Variants in LPXN observed in about 807,000 individuals in gnomAD.
LPXN encodes the protein leupaxin.
LPXN carries 28 observed loss-of-function variants against 45.6 expected under a neutral mutation model. That is an observed-to-expected ratio of 0.61 (90% CI 0.45 to 0.84). The LOEUF is 0.84. Among genes scored for constraint, LPXN ranks in the 40% least tolerant of loss-of-function variants. The probability of loss-of-function intolerance (pLI) is 0.00; values close to 1 mark genes in which losing one functional copy is unlikely to be tolerated. For missense variants in LPXN, 459 were observed against 475.0 expected (o/e 0.97, Z 0.31); for synonymous variants, 166 against 169.9 (o/e 0.98, Z 0.18).
chr11:58,527,852 G>C, intron 8 of LPXN, 129 bp from the exon 9 acceptor site: 3 of 1,125,670 alleles, frequency 2.7e-6, no homozygotes, highest in Non-Finnish European at 3.8e-6. Context: ...TCAGGTTCTT[G>C]ACAAATGGAG....
chr11:58,534,353 A>T (rs1853485141), intron 7 of LPXN, among the ~76,000 whole-genome samples: 1 of 152,184 alleles, frequency 6.6e-6, no homozygotes, highest in African/African-American at 2.4e-5. Flanking sequence ...TCAAATTAGA[A>T]CTCAGGAGTA....
At chr11:58,570,165 T>C (rs1223379946) in intron 2 of LPXN, among the ~76,000 whole-genome samples, 4 of 151,994 alleles carry the variant, frequency 2.6e-5, no homozygotes, top group Non-Finnish European at 4.4e-5. Flanking sequence ...TAGCTGGGCA[T>C]GGTGGTGCGT....
Position 58,528,201 on chromosome 11 carries a change from T to G in LPXN, c.743-10A>C, listed in dbSNP as rs368847313. On this transcript the variant is annotated splice_polypyrimidine_tract_variant and intron_variant, in intron 7 of 8. Transcript: ENST00000395074. ...TCCTTCTCATGAAAGCCTGGAGAGA[T>G]AAAATCAGGAATTCACTGTTGCAGG... 3.6e-5 allele frequency: 58 copies of G among 1,611,856 alleles called. No homozygotes were observed. Among genetic ancestry groups the G allele is most frequent in the South Asian group, 4.4e-5 (4 of 90,958 alleles).
At chr11:58,576,975 T>C (rs1854910515), upstream of LPXN, among the ~76,000 whole-genome samples, 1 of 152,230 alleles carries the variant, frequency 6.6e-6, no homozygotes, top group Middle Eastern at 3.4e-3. Flanking sequence ...ATTTTTTATG[T>C]AGAGGGTGGT....
At chr11:58,575,075 T>C (rs1411792825) in intron 1 of LPXN, among the ~76,000 whole-genome samples, 1 of 152,218 alleles carries the variant, frequency 6.6e-6, no homozygotes, top group Non-Finnish European at 1.5e-5. Flanking sequence ...CTCCAAAGGT[T>C]TGAAATCCAG....
intron 7 of LPXN, among the ~76,000 whole-genome samples, chr11:58,532,058 G>A (rs544964108): frequency 1.6e-4 from 24 of 152,346 alleles, no homozygotes; most frequent in Admixed American, 7.2e-4. Context: ...GGCCAGCACC[G>A]CCAGCCCCAG....
intron 1 of LPXN, among the ~76,000 whole-genome samples, chr11:58,572,582 T>A (rs2134359708): frequency 6.6e-6 from 1 of 152,264 alleles, no homozygotes; most frequent in East Asian, 1.9e-4. Context: ...GTAAGTACTG[T>A]TTATTTTAGG....
At chr11:58,564,067 T>C (rs1854456876) in intron 3 of LPXN, 88 bp downstream of exon 3, 1 of 828,412 alleles carries the variant, frequency 1.2e-6, no homozygotes, top group Admixed American at 2.3e-5. Flanking sequence ...AATAAACACT[T>C]GCAAAGCAAA....
intron 7 of LPXN, among the ~76,000 whole-genome samples, chr11:58,528,746 AAAT>A (rs1853302577): frequency 6.6e-6 from 1 of 152,266 alleles, no homozygotes; most frequent in Non-Finnish European, 1.5e-5. Flanking sequence ...TTTTAAAATA[AAAT>A]ACTACTAAAT....
intron 7 of LPXN, among the ~76,000 whole-genome samples, chr11:58,547,306 A>G (rs1456840615): frequency 1.3e-5 from 2 of 152,224 alleles, no homozygotes; most frequent in Non-Finnish European, 2.9e-5. Context: ...AGCCCCTTGA[A>G]AAAAGAATCT....
intron 2 of LPXN, among the ~76,000 whole-genome samples, chr11:58,568,147 C>T (rs1008418460): frequency 6.6e-6 from 1 of 152,198 alleles, no homozygotes; most frequent in African/African-American, 2.4e-5. Context: ...TCTTCTGCTA[C>T]CACCTAAGAT....
intron 7 of LPXN, among the ~76,000 whole-genome samples, chr11:58,534,415 G>A (rs1177043404): frequency 1.3e-5 from 2 of 152,128 alleles, no homozygotes; most frequent in Non-Finnish European, 2.9e-5. Flanking sequence ...ACCTGCTCCT[G>A]AACGACTACT....
chr11:58,543,590 T>C (rs1476916881), intron 7 of LPXN, among the ~76,000 whole-genome samples: 1 of 152,126 alleles, frequency 6.6e-6, no homozygotes, highest in African/African-American at 2.4e-5. Flanking sequence ...ATTTAACAAA[T>C]GCAAAAAGAC....
intron 4 of LPXN, 178 bp downstream of exon 4, chr11:58,554,663 G>A: frequency 1.9e-6 from 1 of 519,160 alleles, no homozygotes; most frequent in Non-Finnish European, 3.4e-6. Context: ...ATAGTACAAA[G>A]ATGGGTTAAT....
intron 1 of LPXN, 146 bp downstream of exon 1, chr11:58,575,614 T>G: frequency 1.1e-6 from 1 of 944,226 alleles, no homozygotes; most frequent in Admixed American, 1.9e-5. Flanking sequence ...CATGCTTCAC[T>G]CTTGGCAGGG....
intron 3 of LPXN, among the ~76,000 whole-genome samples, chr11:58,555,687 T>A (rs1854179204): frequency 1.3e-5 from 2 of 151,792 alleles, no homozygotes; most frequent in Admixed American, 6.6e-5. Flanking sequence ...AAATAATTCT[T>A]GGGATAAAAA....
At chr11:58,529,256 C>T (rs934409509) in intron 7 of LPXN, among the ~76,000 whole-genome samples, 2 of 152,082 alleles carry the variant, frequency 1.3e-5, no homozygotes, top group African/African-American at 4.8e-5. Flanking sequence ...AAAATATTTG[C>T]TAATTATATT....
Position 58,527,292 on chromosome 11 carries a change from G to T in LPXN, c.*162C>A. Reference sequence around the variant, plus strand: ...AGAAGCCTAAAAAATAAGATTATCAGCCTAGTCATGTAAAGTCTAGAAGTT... The same window carrying T: ...AGAAGCCTAAAAAATAAGATTATCATCCTAGTCATGTAAAGTCTAGAAGTT... On this transcript the variant is annotated 3_prime_UTR_variant, in exon 9 of 9. Coordinates refer to ENST00000395074, the MANE Select transcript of LPXN (RefSeq NM_004811.3). 4.6e-6 allele frequency: 3 copies of T among 649,204 alleles called. No individual in the cohort carries two copies. Among genetic ancestry groups the T allele is most frequent in the Non-Finnish European group, 7.9e-6 (3 of 379,640 alleles). The allele number at this position is 649,204 out of a possible 1,614,324, so 40.2% of individuals were successfully genotyped here.
At chr11:58,543,631 T>C (rs533727634) in intron 7 of LPXN, among the ~76,000 whole-genome samples, 10 of 152,278 alleles carry the variant, frequency 6.6e-5, no homozygotes, top group African/African-American at 1.9e-4. Flanking sequence ...GACTAGTCAG[T>C]AGAGGAGCTG....
Sources: allele counts gnomAD v4.1 joint callset (sites outside exome capture counted in the v4.1 genomes callset), GRCh38; gene constraint gnomAD v4.1.1; transcripts MANE v1.5; gene names NCBI Gene and HGNC (gene_info 2026-07-23, HGNC 2026-07-21).